WAC: variants seen among roughly 807,000 people sequenced by gnomAD.
WAC encodes the protein WW domain containing adaptor with coiled-coil, also known as WW domain-containing adapter protein with coiled-coil.
WAC carries 11 observed loss-of-function variants against 79.6 expected under a neutral mutation model. The ratio of observed to expected loss-of-function variants is 0.14; its 90% CI spans 0.09 to 0.23. The LOEUF (loss-of-function observed/expected upper bound fraction) is 0.23, where lower values mean the gene tolerates loss of function less well. Ranked by LOEUF, WAC falls within the 10% of genes least tolerant of loss-of-function variation. The pLI is 1.00. For missense variants in WAC, 728 were observed against 773.5 expected (o/e 0.94, Z 0.70); for synonymous variants, 304 against 276.9 (o/e 1.10, Z -0.97).
At chr10:28,554,856 A>G (rs929199306) in intron 3 of WAC, among the ~76,000 whole-genome samples, 3 of 152,124 alleles carry the variant, frequency 2.0e-5, no homozygotes, top group African/African-American at 7.2e-5. Flanking sequence ...TTTTCTTTCT[A>G]GAATACTCTC....
chr10:28,558,689 C>G (rs1375606708), intron 3 of WAC, among the ~76,000 whole-genome samples: 2 of 152,062 alleles, frequency 1.3e-5, no homozygotes, highest in East Asian at 3.9e-4. Flanking sequence ...TTAATGAAAG[C>G]AAGTAAAATA....
intron 3 of WAC, among the ~76,000 whole-genome samples, chr10:28,569,671 A>G (rs975340151): frequency 1.3e-5 from 2 of 152,168 alleles, no homozygotes; most frequent in African/African-American, 2.4e-5. Flanking sequence ...TGGCTGGGCA[A>G]GGAGGTTGGT....
chr10:28,603,116 G>A (rs1840716877), intron 7 of WAC, among the ~76,000 whole-genome samples: 1 of 152,206 alleles, frequency 6.6e-6, no homozygotes, highest in South Asian at 2.1e-4. Flanking sequence ...TTACTAAAGA[G>A]TGATTTTGAA....
chr10:28,582,451 C>T (rs973977756), intron 3 of WAC, among the ~76,000 whole-genome samples: 2 of 152,110 alleles, frequency 1.3e-5, no homozygotes, highest in African/African-American at 2.4e-5. Context: ...TAACTCATTT[C>T]TGCTTTTATC....
chr10:28,542,803 T>A (rs938885916), intron 3 of WAC, among the ~76,000 whole-genome samples: 3 of 152,230 alleles, frequency 2.0e-5, no homozygotes, highest in Non-Finnish European at 4.4e-5. Context: ...AGTGGGAAAT[T>A]TGCTGGTTTC....
intron 3 of WAC, among the ~76,000 whole-genome samples, chr10:28,582,281 TC>T (rs1326571729): frequency 6.6e-6 from 1 of 152,214 alleles, no homozygotes; most frequent in Non-Finnish European, 1.5e-5. Context: ...AGAAAAGACT[TC>T]CAAATCCACA....
Position 28,595,430 on chromosome 10 carries a change from TTTG to T in WAC, c.611-301_611-299del, listed in dbSNP as rs869258766. On this transcript the variant is annotated intron_variant, in intron 6 of 13. Transcript: ENST00000354911. ...TAACTCCATATGTTGATTTTTTTTT[TTTG>T]TGTTTTGTTTGAACTACAGTGTGAT... is the stretch of plus-strand genomic sequence containing the variant. Among the ~76,000 whole-genome samples the T allele has an allele frequency of 1.1e-4, 16 of 151,918 alleles. No homozygotes were observed. In the East Asian group the frequency reaches 1.5e-3, roughly 15 times the overall value.
At chr10:28,540,980 C>T (rs1237830844) in intron 3 of WAC, among the ~76,000 whole-genome samples, 2 of 152,032 alleles carry the variant, frequency 1.3e-5, no homozygotes, top group Admixed American at 6.5e-5. Flanking sequence ...TTACGCTTCT[C>T]ATAATCACAT....
At chr10:28,582,743 G>T (rs952416403) in intron 3 of WAC, among the ~76,000 whole-genome samples, 1 of 152,144 alleles carries the variant, frequency 6.6e-6, no homozygotes, top group Admixed American at 6.5e-5. Context: ...TAAAGCAAGA[G>T]AAACTTTTTT....
intron 3 of WAC, among the ~76,000 whole-genome samples, chr10:28,553,242 G>A (rs980737539): frequency 1.7e-5 from 2 of 119,498 alleles, no homozygotes; most frequent in Non-Finnish European, 3.4e-5. Flanking sequence ...TGTATGTACT[G>A]TATGTACTAT....
chr10:28,613,870 A>T (rs981602435), intron 10 of WAC, among the ~76,000 whole-genome samples: 8 of 152,208 alleles, frequency 5.3e-5, no homozygotes, highest in Non-Finnish European at 1.0e-4. Flanking sequence ...CATGGACTTC[A>T]GTCTACCTCT....
chr10:28,591,024 T>G (rs1011150480), intron 6 of WAC, 192 bp downstream of exon 6: 12 of 546,328 alleles, frequency 2.2e-5, no homozygotes, highest in Admixed American at 3.5e-5. Flanking sequence ...GGTCGAGTAG[T>G]ACAGGTATGT....
At chr10:28,557,153 A>G (rs1429810725) in intron 3 of WAC, among the ~76,000 whole-genome samples, 2 of 152,118 alleles carry the variant, frequency 1.3e-5, no homozygotes, top group African/African-American at 2.4e-5. Context: ...TCTAATAACA[A>G]CTGGTAATAT....
chr10:28,556,800 A>G (rs1394937421), intron 3 of WAC, among the ~76,000 whole-genome samples: 1 of 152,152 alleles, frequency 6.6e-6, no homozygotes, highest in Non-Finnish European at 1.5e-5. Flanking sequence ...TTTCCCAGCA[A>G]CATTTTTTGA....
At chr10:28,600,746 T>C (rs911434265) in intron 7 of WAC, among the ~76,000 whole-genome samples, 2 of 151,888 alleles carry the variant, frequency 1.3e-5, no homozygotes, top group East Asian at 1.9e-4. Context: ...AAAACTTCTT[T>C]ATAAAAAGTA....
intron 13 of WAC, among the ~76,000 whole-genome samples, chr10:28,618,787 A>G (rs1841581834): frequency 6.6e-6 from 1 of 152,228 alleles, no homozygotes; most frequent in Non-Finnish European, 1.5e-5. Flanking sequence ...TTATGTACCT[A>G]CATCTACATT....
intron 3 of WAC, among the ~76,000 whole-genome samples, chr10:28,574,303 A>G (rs1263135516): frequency 1.3e-5 from 2 of 151,902 alleles, no homozygotes; most frequent in African/African-American, 4.8e-5. Flanking sequence ...ATGCGTCACC[A>G]CACCTGGCTT....
chr10:28,617,163 C>T (rs536028925), intron 12 of WAC, among the ~76,000 whole-genome samples: 1 of 152,288 alleles, frequency 6.6e-6, no homozygotes, highest in African/African-American at 2.4e-5. Context: ...AACATTTTTG[C>T]TTTGGGATGA....
chr10:28,569,850 A>T (rs1453241626), intron 3 of WAC, among the ~76,000 whole-genome samples: 1 of 152,172 alleles, frequency 6.6e-6, no homozygotes, highest in Non-Finnish European at 1.5e-5. Context: ...CTTTTTGTGT[A>T]TAAAATTGGT....
Sources: gnomAD v4.1 joint callset for allele counts (sites outside exome capture counted in the v4.1 genomes callset) on GRCh38, gnomAD v4.1.1 for gene constraint, MANE v1.5 for transcripts, NCBI Gene and HGNC (gene_info 2026-07-23, HGNC 2026-07-21) for gene names.